UBE2H: variants seen among roughly 807,000 people sequenced by gnomAD.
UBE2H encodes ubiquitin-conjugating enzyme E2 H.
UBE2H carries 3 observed loss-of-function variants against 29.0 expected under a neutral mutation model. That is an observed-to-expected ratio of 0.10 (90% CI 0.05 to 0.27). The LOEUF (loss-of-function observed/expected upper bound fraction) is 0.27. Among genes scored for constraint, UBE2H ranks in the 10% least tolerant of loss-of-function variants. The pLI, the probability that UBE2H is intolerant of heterozygous loss-of-function variation, is 1.00. For missense variants in UBE2H, 68 were observed against 228.2 expected, an observed-to-expected ratio of 0.30 and a Z score of 4.52; for synonymous variants, 69 against 82.9, an observed-to-expected ratio of 0.83 and a Z score of 0.91.
At chr7:129,920,306 CA>C (rs1016733340) in intron 1 of UBE2H, among the ~76,000 whole-genome samples, 11 of 151,678 alleles carry the variant, frequency 7.3e-5, no homozygotes, top group Admixed American at 1.3e-4. Context: ...GTCTAGTGAA[CA>C]AAAAAGGCTT....
intron 1 of UBE2H, among the ~76,000 whole-genome samples, chr7:129,907,444 T>C (rs896987430): frequency 2.6e-5 from 4 of 152,168 alleles, no homozygotes; most frequent in African/African-American, 9.7e-5. Flanking sequence ...AAGGCACAGA[T>C]GCAGCAACTG....
At chr7:129,880,730 G>A (rs921979502) in intron 2 of UBE2H, 165 bp downstream of exon 2, 2 of 618,894 alleles carry the variant, frequency 3.2e-6, no homozygotes, top group Non-Finnish European at 2.8e-6. Flanking sequence ...AGGGATGACT[G>A]TATATAAAGT....
intron 3 of UBE2H, among the ~76,000 whole-genome samples, chr7:129,872,223 C>T (rs914008705): frequency 2.0e-5 from 3 of 152,088 alleles, no homozygotes; most frequent in Non-Finnish European, 2.9e-5. Flanking sequence ...TAACCTGAAA[C>T]CTCTTGTGAA....
intron 1 of UBE2H, among the ~76,000 whole-genome samples, chr7:129,932,088 CT>C (rs1468000592): frequency 6.6e-6 from 1 of 151,094 alleles, no homozygotes; most frequent in African/African-American, 2.4e-5. Flanking sequence ...TCCCAAAGTG[CT>C]GGGATTACAA....
At chr7:129,841,932 T>C (rs1255582594) in intron 5 of UBE2H, among the ~76,000 whole-genome samples, 1 of 152,196 alleles carries the variant, frequency 6.6e-6, no homozygotes, top group East Asian at 1.9e-4. Context: ...AAACAATTAT[T>C]ATGGTACAAA....
chr7:129,852,836 C>T (rs1382413360), intron 5 of UBE2H, among the ~76,000 whole-genome samples: 2 of 152,094 alleles, frequency 1.3e-5, no homozygotes, highest in African/African-American at 4.8e-5. Flanking sequence ...AGCAATTCTC[C>T]TGCCTCAGCT....
chr7:129,832,788 C>T lies in UBE2H; in HGVS notation c.*2149G>A, dbSNP rs1196838553. The T allele has an allele frequency of 6.6e-6, 1 of 151,908 alleles. No individual in the cohort carries two copies. Among genetic ancestry groups the T allele is most frequent in the Non-Finnish European group, 1.5e-5 (1 of 67,996 alleles). 9.4% of individuals were successfully genotyped at this position (151,908 alleles called of 1,614,324 possible). On this transcript the variant is annotated 3_prime_UTR_variant, in exon 7 of 7. Transcript: ENST00000355621. ...GGTAATTAGAACACTATTGTTTATA[C>T]AATATTGAAAAAATACAATTTTTTA...
intron 1 of UBE2H, among the ~76,000 whole-genome samples, chr7:129,894,417 G>T (rs1192218653): frequency 6.6e-6 from 1 of 151,952 alleles, no homozygotes; most frequent in African/African-American, 2.4e-5. Flanking sequence ...TCCAGCCTGA[G>T]CAACAGAACA....
intron 5 of UBE2H, among the ~76,000 whole-genome samples, chr7:129,843,896 G>T (rs1167688268): frequency 6.6e-6 from 1 of 152,194 alleles, no homozygotes; most frequent in African/African-American, 2.4e-5. Context: ...TAGGTTTTAT[G>T]TTCTGAAGTA....
chr7:129,944,978 A>G (rs968139855), intron 1 of UBE2H, among the ~76,000 whole-genome samples: 3 of 152,190 alleles, frequency 2.0e-5, no homozygotes, highest in Non-Finnish European at 2.9e-5. Flanking sequence ...ACTAAATAAC[A>G]TGGGTGAATC....
intron 3 of UBE2H, among the ~76,000 whole-genome samples, chr7:129,867,724 C>CAAAAAAAAAAAAA (rs1473451530): frequency 1.5e-3 from 47 of 31,186 alleles, no homozygotes; most frequent in East Asian, 2.8e-3. Context: ...AAAAGAAAAC[C>CAAAAAAAAAAAAA]AAAAAAAAAA....
intron 5 of UBE2H, among the ~76,000 whole-genome samples, chr7:129,855,860 G>A (rs1303475832): frequency 6.6e-6 from 1 of 152,124 alleles, no homozygotes; most frequent in East Asian, 1.9e-4. Flanking sequence ...TCGCACCACT[G>A]CATTCCAGCC....
chr7:129,830,942 C>T lies in UBE2H; in HGVS notation c.*3995G>A, dbSNP rs2116240483. The T allele has an allele frequency of 6.6e-6, 1 of 151,142 alleles. No individual in the cohort carries two copies. The highest frequency in any genetic ancestry group is 2.4e-5 in the African/African-American group (1 of 41,046). 9.4% of individuals were successfully genotyped at this position (151,142 alleles called of 1,614,324 possible). ...CAGATTTCAGTTAGGGGCTGGCAGTCCCTTTTATCTTTTCAAGTATCACAC... is the reference window on the plus strand; with the variant it reads ...CAGATTTCAGTTAGGGGCTGGCAGTTCCTTTTATCTTTTCAAGTATCACAC... On this transcript the variant is annotated 3_prime_UTR_variant, in exon 7 of 7. Transcript: ENST00000355621.
chr7:129,922,142 C>T (rs1807176335), intron 1 of UBE2H, among the ~76,000 whole-genome samples: 1 of 151,956 alleles, frequency 6.6e-6, no homozygotes, highest in Non-Finnish European at 1.5e-5. Flanking sequence ...CACCAGCCAC[C>T]ACGCCTGGCT....
At chr7:129,880,452 G>C (rs1806231749) in intron 2 of UBE2H, among the ~76,000 whole-genome samples, 1 of 152,188 alleles carries the variant, frequency 6.6e-6, no homozygotes, top group African/African-American at 2.4e-5. Flanking sequence ...GTTACGGTAA[G>C]CCACAATCGT....
chr7:129,886,195 C>T (rs1324653532), intron 1 of UBE2H, among the ~76,000 whole-genome samples: 1 of 152,154 alleles, frequency 6.6e-6, no homozygotes, highest in Non-Finnish European at 1.5e-5. Flanking sequence ...ACAAATACTG[C>T]TTTATACCCA....
At chr7:129,891,457 C>G (rs1317962545) in intron 1 of UBE2H, among the ~76,000 whole-genome samples, 3 of 152,094 alleles carry the variant, frequency 2.0e-5, no homozygotes, top group African/African-American at 7.2e-5. Context: ...TACTGTATAT[C>G]CAAAGGTACC....
chr7:129,881,621 C>CT (rs11448310), intron 1 of UBE2H, among the ~76,000 whole-genome samples: 28,666 of 151,960 alleles, frequency 0.19, 3,061 homozygotes, highest in African/African-American at 0.28. Context: ...GCACTCCAGC[C>CT]TGGGTGATAG....
chr7:129,939,484 G>A (rs968089244), intron 1 of UBE2H, among the ~76,000 whole-genome samples: 1 of 152,152 alleles, frequency 6.6e-6, no homozygotes, highest in Middle Eastern at 3.2e-3. Flanking sequence ...ACATCCAGCA[G>A]TAAGACCATG....
Sources: allele counts gnomAD v4.1 joint callset (sites outside exome capture counted in the v4.1 genomes callset), GRCh38; gene constraint gnomAD v4.1.1; transcripts MANE v1.5; gene names NCBI Gene and HGNC (gene_info 2026-07-23, HGNC 2026-07-21).